Variants in DNM3 observed in about 807,000 individuals in gnomAD.
DNM3 encodes the protein dynamin-3.
In DNM3, 47 loss-of-function variants were observed where a neutral mutation model predicts 101.6. The ratio of observed to expected loss-of-function variants is 0.46; its 90% CI spans 0.37 to 0.59. DNM3 has a LOEUF of 0.59. Ranked by LOEUF, DNM3 falls within the 20% of genes least tolerant of loss-of-function variation. The pLI is 0.00. For missense variants in DNM3, 849 were observed against 1,085.7 expected (o/e 0.78, Z 3.06); for synonymous variants, 385 against 387.9 (o/e 0.99, Z 0.09).
At chr1:172,283,759 C>CAAAAAA (rs769812358) in intron 15 of DNM3, among the ~76,000 whole-genome samples, 11 of 40,230 alleles carry the variant, frequency 2.7e-4, no homozygotes, top group Admixed American at 5.7e-4. Context: ...GACTCCATCT[C>CAAAAAA]AAAAAAAAAA....
chr1:172,364,352 TG>T (rs2067899011), intron 17 of DNM3, among the ~76,000 whole-genome samples: 1 of 151,842 alleles, frequency 6.6e-6, no homozygotes, highest in African/African-American at 2.4e-5. Context: ...ATGTCAGTTT[TG>T]AAGTAGATGC....
At chr1:171,968,203 G>T (rs1021178545) in intron 2 of DNM3, among the ~76,000 whole-genome samples, 6 of 152,114 alleles carry the variant, frequency 3.9e-5, no homozygotes, top group African/African-American at 1.4e-4. Flanking sequence ...TGCTATTGAG[G>T]CTTCTAATCA....
downstream of DNM3, among the ~76,000 whole-genome samples, chr1:172,413,674 T>G (rs1001940683): frequency 6.6e-6 from 1 of 152,216 alleles, no homozygotes; most frequent in Non-Finnish European, 1.5e-5. Context: ...TATTCCCAGA[T>G]TGTGCCATCT....
chr1:172,385,791 T>A (rs1482113780), intron 18 of DNM3, among the ~76,000 whole-genome samples: 2 of 152,238 alleles, frequency 1.3e-5, no homozygotes, highest in Non-Finnish European at 2.9e-5. Flanking sequence ...TTCTTAAAGA[T>A]ATTCATGAGT....
intron 10 of DNM3, among the ~76,000 whole-genome samples, chr1:172,049,198 A>G (rs1241053582): frequency 6.6e-6 from 1 of 152,144 alleles, no homozygotes; most frequent in Non-Finnish European, 1.5e-5. Flanking sequence ...TGTAGTGGAT[A>G]AGAACCCAGC....
At chr1:172,041,905 G>C in intron 7 of DNM3, 104 bp from the exon 8 acceptor site, 1 of 1,316,334 alleles carries the variant, frequency 7.6e-7, no homozygotes, top group Non-Finnish European at 1.0e-6. Context: ...GTGCCACTAA[G>C]AGCACCTGGA....
chr1:171,927,396 C>T (rs571383075), intron 2 of DNM3, among the ~76,000 whole-genome samples: 1 of 152,262 alleles, frequency 6.6e-6, no homozygotes, highest in Admixed American at 6.5e-5. Flanking sequence ...TCTCCCTCTT[C>T]CCACTCTCCA....
chr1:171,984,351 C>G (rs540247519), intron 2 of DNM3, among the ~76,000 whole-genome samples: 1 of 152,200 alleles, frequency 6.6e-6, no homozygotes, highest in Non-Finnish European at 1.5e-5. Flanking sequence ...CACGGGCCCT[C>G]CACATCCAGG....
intron 14 of DNM3, among the ~76,000 whole-genome samples, chr1:172,236,433 G>A (rs2061548968): frequency 6.6e-6 from 1 of 152,134 alleles, no homozygotes; most frequent in African/African-American, 2.4e-5. Flanking sequence ...ACCACTTCTA[G>A]TTTTATTTTA....
At chr1:172,265,325 A>G (rs1006264612) in intron 15 of DNM3, among the ~76,000 whole-genome samples, 1 of 152,010 alleles carries the variant, frequency 6.6e-6, no homozygotes, top group Non-Finnish European at 1.5e-5. Context: ...TTTTTGAGCC[A>G]TTTTAAACAG....
intron 15 of DNM3, among the ~76,000 whole-genome samples, chr1:172,280,727 G>T (rs1238916878): frequency 6.6e-6 from 1 of 152,062 alleles, no homozygotes; most frequent in Non-Finnish European, 1.5e-5. Flanking sequence ...AAGACAAAAA[G>T]AAAAACATTT....
intron 2 of DNM3, among the ~76,000 whole-genome samples, chr1:171,950,362 G>C (rs1306216365): frequency 6.6e-6 from 1 of 152,038 alleles, no homozygotes; most frequent in African/African-American, 2.4e-5. Flanking sequence ...GTGATATGTG[G>C]TAGGATACTT....
At chr1:172,163,343 A>G (rs1161272773) in intron 14 of DNM3, among the ~76,000 whole-genome samples, 2 of 147,864 alleles carry the variant, frequency 1.4e-5, no homozygotes, top group Non-Finnish European at 3.0e-5. Context: ...GGTTCAAGCC[A>G]TTTTTCTGCC....
At chr1:171,967,657 C>T (rs141146767) in intron 2 of DNM3, among the ~76,000 whole-genome samples, 179 of 152,300 alleles carry the variant, frequency 1.2e-3, no homozygotes, top group South Asian at 1.5e-3. Context: ...GATTGGGAAT[C>T]GTCACCAAGT....
intron 17 of DNM3, among the ~76,000 whole-genome samples, chr1:172,349,063 T>C (rs1366537479): frequency 6.6e-6 from 1 of 152,130 alleles, no homozygotes; most frequent in Non-Finnish European, 1.5e-5. Flanking sequence ...GTGTCAGGGG[T>C]TATTGCCCTC....
At chr1:172,175,909 G>A (rs12072992) in intron 14 of DNM3, among the ~76,000 whole-genome samples, 2 of 151,778 alleles carry the variant, frequency 1.3e-5, no homozygotes, top group Non-Finnish European at 2.9e-5. Context: ...TGGTAGACAT[G>A]CTCCAGTGGT....
intron 12 of DNM3, among the ~76,000 whole-genome samples, chr1:172,087,778 TC>T (rs1291790183): frequency 6.6e-6 from 1 of 152,224 alleles, no homozygotes; most frequent in Non-Finnish European, 1.5e-5. Flanking sequence ...TCTTTCTCAT[TC>T]CTTCTGAGAT....
At chr1:171,895,465 C>A (rs1013857822) in intron 1 of DNM3, among the ~76,000 whole-genome samples, 22 of 152,196 alleles carry the variant, frequency 1.4e-4, no homozygotes, top group Admixed American at 6.5e-5. Flanking sequence ...ATATCCTTTG[C>A]CCACTTTTTG....
chr1:172,220,490 G>C (rs994717921), intron 14 of DNM3, among the ~76,000 whole-genome samples: 1 of 152,172 alleles, frequency 6.6e-6, no homozygotes, highest in Non-Finnish European at 1.5e-5. Context: ...GTGCACATGG[G>C]GGAGGCAGTG....
Sources: allele counts gnomAD v4.1 joint callset (sites outside exome capture counted in the v4.1 genomes callset), GRCh38; gene constraint gnomAD v4.1.1; transcripts MANE v1.5; gene names NCBI Gene and HGNC (gene_info 2026-07-23, HGNC 2026-07-21).